SLC41A3: variants seen among roughly 807,000 people sequenced by gnomAD.
The protein encoded by SLC41A3 is SLC41A1-like 2.
SLC41A3 carries 44 observed loss-of-function variants against 45.4 expected under a neutral mutation model. The ratio of observed to expected loss-of-function variants is 0.97; its 90% confidence interval spans 0.76 to 1.25. The LOEUF is 1.25. SLC41A3 is among the 50% of genes most tolerant of loss of function. SLC41A3 has a pLI of 0.00. For synonymous variants in SLC41A3, 256 were observed against 252.4 expected (o/e 1.01, Z -0.13); for missense variants, 550 against 600.6 (o/e 0.92, Z 0.88).
chr3:126,056,484 C>T, intron 2 of SLC41A3: 1 of 1,614,202 alleles, frequency 6.2e-7, no homozygotes, highest in East Asian at 2.2e-5. Context: ...ACCGGGTAAG[C>T]TCACAGCTGA....
At chr3:126,093,313 C>A (rs1262791747) in intron 1 of SLC41A3, among the ~76,000 whole-genome samples, 2 of 152,146 alleles carry the variant, frequency 1.3e-5, no homozygotes, top group African/African-American at 2.4e-5. Context: ...AAACATTGGG[C>A]TAATCAGTGT....
intron 1 of SLC41A3, among the ~76,000 whole-genome samples, chr3:126,081,580 G>A (rs756712333): frequency 1.3e-5 from 2 of 152,196 alleles, no homozygotes; most frequent in Admixed American, 6.5e-5. Flanking sequence ...TTACATGAAC[G>A]TGTTAAATTA....
In SLC41A3 at chr3:126,032,118, C is replaced by T. The variant is rs144323068; in HGVS notation, c.453+1489G>A. ...TTCCCAGGAGAGGTGGCTGAAGATGCACGGCAGGGAGGTGTGAAGGGGTGG... is the reference window on the plus strand; with the variant it reads ...TTCCCAGGAGAGGTGGCTGAAGATGTACGGCAGGGAGGTGTGAAGGGGTGG... On this transcript the variant is annotated intron_variant, in intron 4 of 10. Coordinates refer to ENST00000360370, the MANE Select transcript of SLC41A3 (RefSeq NM_017836.4). 2.2e-3 allele frequency among the ~76,000 whole-genome samples: 330 copies of T among 152,182 alleles called. 1 individual carries two copies. Among genetic ancestry groups the T allele is most frequent in the Non-Finnish European group, 4.1e-3 (277 of 68,012 alleles).
At chr3:126,044,316 A>T (rs984112540) in intron 3 of SLC41A3, among the ~76,000 whole-genome samples, 2 of 152,248 alleles carry the variant, frequency 1.3e-5, no homozygotes, top group African/African-American at 4.8e-5. Context: ...TGATGCAAAC[A>T]CTGACAGAAC....
At chr3:126,009,755 AAGC>A (rs1323757388) in intron 9 of SLC41A3, among the ~76,000 whole-genome samples, 3 of 152,244 alleles carry the variant, frequency 2.0e-5, no homozygotes, top group Admixed American at 1.3e-4. Context: ...TGTCAAAAAG[AAGC>A]AGCAAAATGA....
chr3:126,049,344 G>A (rs572815052), intron 3 of SLC41A3, among the ~76,000 whole-genome samples: 13 of 152,056 alleles, frequency 8.5e-5, no homozygotes, highest in South Asian at 2.1e-4. Context: ...AAAATTGGCC[G>A]GGTGTGATGG....
At chr3:126,016,660 T>C (rs1940314194) in intron 7 of SLC41A3, 71 bp downstream of exon 7, 2 of 1,534,394 alleles carry the variant, frequency 1.3e-6, no homozygotes, top group East Asian at 2.3e-5. Context: ...AGGCAGTGAG[T>C]GTCACCCTGG....
chr3:126,071,195 G>T (rs896893490), intron 1 of SLC41A3, among the ~76,000 whole-genome samples: 2 of 152,004 alleles, frequency 1.3e-5, no homozygotes, highest in Non-Finnish European at 2.9e-5. Flanking sequence ...GGAAGTAAAA[G>T]GATTTAAATA....
intron 1 of SLC41A3, among the ~76,000 whole-genome samples, chr3:126,080,535 T>C (rs1421834556): frequency 6.6e-6 from 1 of 152,180 alleles, no homozygotes; most frequent in Admixed American, 6.5e-5. Flanking sequence ...AAATGGCTTT[T>C]ATAAAAAAGA....
rs554167249 is a variant in SLC41A3, at chr3:126,093,372, A to AG, written c.-79+8056dup. Among the ~76,000 whole-genome samples, 6 of 152,374 alleles carry AG rather than the reference A, an allele frequency of 3.9e-5. No homozygotes were observed. The South Asian group carries it at 1.2e-3, about 32-fold the overall frequency. On this transcript the variant is annotated intron_variant, in intron 1 of 9. Coordinates refer to the SLC41A3 transcript ENST00000508835. ...GAACCCGATTTTGGGAAATGCCATG[A>AG]GGGGCCTGTCCTGGGCCCCATTCCA...
intron 2 of SLC41A3, among the ~76,000 whole-genome samples, chr3:126,064,186 C>T (rs1944232639): frequency 6.6e-6 from 1 of 152,016 alleles, no homozygotes; most frequent in Admixed American, 6.6e-5. Context: ...GCCTCAACAC[C>T]TGGAGAAAGC....
chr3:126,086,408 G>GTT (rs57316346), upstream of SLC41A3, among the ~76,000 whole-genome samples: 2 of 21,178 alleles, frequency 9.4e-5, no homozygotes, highest in African/African-American at 1.3e-4. Context: ...TTGTTTTCTT[G>GTT]TTTTTTTTTT....
At chr3:126,089,209 C>T (rs138796561), upstream of SLC41A3, among the ~76,000 whole-genome samples, 95 of 152,244 alleles carry the variant, frequency 6.2e-4, no homozygotes, top group African/African-American at 1.9e-3. Flanking sequence ...AGAATCATAA[C>T]GACTGCTTGA....
chr3:126,033,602 C>T lies in SLC41A3; in HGVS notation c.453+5G>A. On this transcript the variant is annotated splice_donor_5th_base_variant and intron_variant, in intron 4 of 10. Coordinates refer to ENST00000360370, the MANE Select transcript of SLC41A3 (RefSeq NM_017836.4). ...AAGGGAGGGTCGGACAAGGTGAAGA[C>T]TCACCTGGATGAGGGCCAGGTTGCT... 6.2e-7 allele frequency: 1 copy of T among 1,611,432 alleles called. No individual in the cohort carries two copies. The highest frequency in any genetic ancestry group is 8.5e-7 in the Non-Finnish European group (1 of 1,179,326).
chr3:126,062,470 G>T (rs1422777777), intron 2 of SLC41A3, among the ~76,000 whole-genome samples: 1 of 152,150 alleles, frequency 6.6e-6, no homozygotes, highest in Non-Finnish European at 1.5e-5. Context: ...GGTCTCCCCT[G>T]CATCTGCCTT....
At chr3:126,071,918 G>A (rs1944638383) in intron 1 of SLC41A3, among the ~76,000 whole-genome samples, 2 of 151,918 alleles carry the variant, frequency 1.3e-5, no homozygotes, top group Admixed American at 1.3e-4. Context: ...CTACAGGTGT[G>A]TGCCACCATG....
At chr3:126,060,253 T>C (rs990444038) in intron 2 of SLC41A3, among the ~76,000 whole-genome samples, 2 of 152,100 alleles carry the variant, frequency 1.3e-5, no homozygotes, top group Non-Finnish European at 2.9e-5. Context: ...ACCCCGTCTC[T>C]ACTAATAATA....
chr3:126,008,591 T>C (rs1408651909), intron 10 of SLC41A3, 141 bp downstream of exon 10: 22 of 1,181,610 alleles, frequency 1.9e-5, no homozygotes, highest in Non-Finnish European at 2.5e-5. Flanking sequence ...ACAAGTTGAC[T>C]CAACTCCTGG....
intron 3 of SLC41A3, among the ~76,000 whole-genome samples, chr3:126,044,213 T>C (rs1942791938): frequency 6.6e-6 from 1 of 152,178 alleles, no homozygotes; most frequent in Admixed American, 6.5e-5. Context: ...AGAAAGACAT[T>C]ATGCAATGAT....
Sources: allele counts gnomAD v4.1 joint callset (sites outside exome capture counted in the v4.1 genomes callset), GRCh38; gene constraint gnomAD v4.1.1; transcripts MANE v1.5; gene names NCBI Gene and HGNC (gene_info 2026-07-23, HGNC 2026-07-21).